Variants in SEMA6D observed in about 807,000 individuals in gnomAD.
The protein encoded by SEMA6D is semaphorin 6D.
SEMA6D carries 35 observed loss-of-function variants against 106.6 expected under a neutral mutation model. That is an observed-to-expected ratio of 0.33 (90% CI 0.25 to 0.44). The LOEUF (loss-of-function observed/expected upper bound fraction) is 0.44, where lower values mean the gene tolerates loss of function less well. SEMA6D is among the 20% of genes least tolerant of loss of function. The pLI, the probability that SEMA6D is intolerant of heterozygous loss-of-function variation, is 1.00. For synonymous variants in SEMA6D, 499 were observed against 487.7 expected (o/e 1.02, Z -0.31); for missense variants, 1,185 against 1,345.9 (o/e 0.88, Z 1.87).
chr15:47,228,693 T>C (rs2031982978), intron 1 of SEMA6D, among the ~76,000 whole-genome samples: 1 of 151,760 alleles, frequency 6.6e-6, no homozygotes, highest in Non-Finnish European at 1.5e-5. Flanking sequence ...TGCAGACAAG[T>C]GGAGTTTTTT....
intron 1 of SEMA6D, among the ~76,000 whole-genome samples, chr15:47,222,061 GTTTAAGAACTCC>G (rs2031254251): frequency 6.6e-6 from 1 of 152,080 alleles, no homozygotes; most frequent in South Asian, 2.1e-4. Flanking sequence ...ACACGCAAGT[GTTTAAGAACTCC>G]TGAACCAACT....
chr15:47,747,479 TA>T (rs2147226366), intron 1 of SEMA6D, among the ~76,000 whole-genome samples: 1 of 152,302 alleles, frequency 6.6e-6, no homozygotes, highest in East Asian at 1.9e-4. Flanking sequence ...AATCCAGACT[TA>T]AAGTGAAAAC....
intron 3 of SEMA6D, among the ~76,000 whole-genome samples, chr15:47,516,180 C>T (rs995891768): frequency 1.3e-5 from 2 of 152,040 alleles, no homozygotes; most frequent in Non-Finnish European, 2.9e-5. Flanking sequence ...TCTGGAGTGC[C>T]GGATTAATTT....
intron 4 of SEMA6D, among the ~76,000 whole-genome samples, chr15:47,615,395 C>T (rs1417865348): frequency 1.3e-5 from 2 of 152,168 alleles, no homozygotes; most frequent in Non-Finnish European, 2.9e-5. Flanking sequence ...ACCAATGGCA[C>T]AGATACCAAG....
At chr15:47,365,260 A>G (rs1449945882) in intron 1 of SEMA6D, among the ~76,000 whole-genome samples, 2 of 152,080 alleles carry the variant, frequency 1.3e-5, no homozygotes, top group African/African-American at 2.4e-5. Flanking sequence ...CACAGTTTGG[A>G]TTGTTTTCTC....
chr15:47,289,670 T>C (rs905250774), intron 1 of SEMA6D, among the ~76,000 whole-genome samples: 4 of 152,098 alleles, frequency 2.6e-5, no homozygotes, highest in Non-Finnish European at 4.4e-5. Flanking sequence ...GAAACTTCCC[T>C]AGCACAAAGC....
intron 3 of SEMA6D, among the ~76,000 whole-genome samples, chr15:47,511,705 A>G (rs1374222388): frequency 6.6e-6 from 1 of 152,206 alleles, no homozygotes; most frequent in Non-Finnish European, 1.5e-5. Context: ...TTGGAGGGGT[A>G]GAGAGGAAAT....
At chr15:47,668,690 C>T (rs2078077770) in intron 4 of SEMA6D, among the ~76,000 whole-genome samples, 2 of 152,146 alleles carry the variant, frequency 1.3e-5, no homozygotes, top group Admixed American at 6.6e-5. Flanking sequence ...TCTTCCTACC[C>T]GTGTCTGGAC....
rs1567090000 is a variant in SEMA6D at position 47,759,890 on chromosome 15, A to G, written c.92A>G (p.Asn31Ser). Residue 31 changes from asparagine (N) to serine (S), a missense_variant, in exon 2 of 19, where the codon AAT (asparagine) becomes AGT (serine). By Grantham distance (46) the Asn-to-Ser change is conservative (BLOSUM62 1). Around this residue, in one of 3 missense-constraint regions of SEMA6D, gnomAD observed 144 missense variants for 138.6 expected, o/e 1.04. Coordinates refer to ENST00000536845, the MANE Select transcript of SEMA6D (RefSeq NM_001358351.3). ...VSFPEDDEPLNTVDYHYSRQY... is the reference protein window; with the variant it reads ...VSFPEDDEPLSTVDYHYSRQY... Reference sequence around the variant, plus strand: ...TTTCCTGAAGATGATGAACCCCTTAATACTGTCGACTATCACTGTAAGTCG... The same window carrying G: ...TTTCCTGAAGATGATGAACCCCTTAGTACTGTCGACTATCACTGTAAGTCG... The G allele has an allele frequency of 6.2e-7, 1 of 1,612,252 alleles. No individual in the cohort carries two copies. The highest frequency in any genetic ancestry group is 8.5e-7 in the Non-Finnish European group (1 of 1,178,408).
chr15:47,304,032 C>T (rs1157214576), intron 1 of SEMA6D, among the ~76,000 whole-genome samples: 3 of 152,150 alleles, frequency 2.0e-5, no homozygotes, highest in Non-Finnish European at 2.9e-5. Flanking sequence ...CATTTAAATA[C>T]ACCATCTTAG....
At chr15:47,679,291 C>A (rs2078303553) in intron 4 of SEMA6D, among the ~76,000 whole-genome samples, 1 of 152,174 alleles carries the variant, frequency 6.6e-6, no homozygotes, top group African/African-American at 2.4e-5. Flanking sequence ...GTTAATTGCC[C>A]TCTTTGGTCA....
intron 2 of SEMA6D, among the ~76,000 whole-genome samples, chr15:47,435,626 T>C (rs1026499173): frequency 6.6e-6 from 1 of 152,084 alleles, no homozygotes; most frequent in Non-Finnish European, 1.5e-5. Flanking sequence ...TCTTGAGAGA[T>C]GCAAGATGCA....
At chr15:47,629,014 G>A (rs79724036) in intron 4 of SEMA6D, among the ~76,000 whole-genome samples, 8,746 of 152,032 alleles carry the variant, frequency 0.058, 281 homozygotes, top group African/African-American at 0.082. Flanking sequence ...CATTGAGGGA[G>A]CACCTTTGCC....
intron 4 of SEMA6D, among the ~76,000 whole-genome samples, chr15:47,672,246 T>C (rs990075730): frequency 8.5e-5 from 13 of 152,206 alleles, no homozygotes; most frequent in Non-Finnish European, 1.5e-4. Flanking sequence ...TGTGCTTTCC[T>C]GCTAAGCATT....
chr15:47,265,139 A>C (rs536607386), intron 1 of SEMA6D, among the ~76,000 whole-genome samples: 2 of 152,008 alleles, frequency 1.3e-5, no homozygotes, highest in Non-Finnish European at 2.9e-5. Flanking sequence ...GTTAGCTGGG[A>C]TGTGTTCTCT....
chr15:47,529,409 G>A (rs2044872655), intron 3 of SEMA6D, among the ~76,000 whole-genome samples: 1 of 152,116 alleles, frequency 6.6e-6, no homozygotes, highest in African/African-American at 2.4e-5. Flanking sequence ...TCAAACCCGT[G>A]TTGTTGAAGG....
Position 47,254,435 on chromosome 15 carries a change from A to G in SEMA6D, c.-239+70017A>G, listed in dbSNP as rs1356880916. ...TGCCCTTTATTTCTTCCTCTTGCCT[A>G]GTTGCTCCGGCTGGTACTTCCAGTA... On this transcript the variant is annotated intron_variant, in intron 1 of 19. Coordinates refer to the SEMA6D transcript ENST00000558014. Among the ~76,000 whole-genome samples, 3 of 151,078 alleles carry G rather than the reference A, an allele frequency of 2.0e-5. No individual in the cohort carries two copies. The East Asian group carries it at 5.9e-4, about 29-fold the overall frequency.
rs142685295 is a variant in SEMA6D at position 47,498,050 on chromosome 15, C to T, written c.-87+27505C>T. Among the ~76,000 whole-genome samples the T allele has an allele frequency of 2.8e-3, 427 of 152,254 alleles. 3 individuals are homozygous for T. Among genetic ancestry groups the T allele is most frequent in the African/African-American group, 9.6e-3 (397 of 41,570 alleles). Reference sequence around the variant, plus strand: ...CTCTTAAAGCATGGTTCCAATACCACGAAAACACATTGATTCCCTGCTGCT... The same window carrying T: ...CTCTTAAAGCATGGTTCCAATACCATGAAAACACATTGATTCCCTGCTGCT... On this transcript the variant is annotated intron_variant, in intron 3 of 19. Transcript: ENST00000558014.
At chr15:47,285,270 C>CT (rs900499307) in intron 1 of SEMA6D, among the ~76,000 whole-genome samples, 1 of 151,890 alleles carries the variant, frequency 6.6e-6, no homozygotes, top group Non-Finnish European at 1.5e-5. Flanking sequence ...CTGTCTTTCT[C>CT]TTTTTTTTAA....
Sources: allele counts gnomAD v4.1 joint callset (sites outside exome capture counted in the v4.1 genomes callset), GRCh38; gene constraint gnomAD v4.1.1; regional missense constraint gnomAD v4.1.1; transcripts MANE v1.5; gene names NCBI Gene and HGNC (gene_info 2026-07-23, HGNC 2026-07-21).